Variants in CACNA1D observed in about 807,000 individuals in gnomAD.
The protein encoded by CACNA1D is voltage-dependent L-type calcium channel subunit alpha-1D.
CACNA1D carries 55 observed loss-of-function variants against 257.1 expected under a neutral mutation model. The ratio of observed to expected loss-of-function variants is 0.21; its 90% CI spans 0.17 to 0.27. The LOEUF (loss-of-function observed/expected upper bound fraction) is 0.27, where lower values mean the gene tolerates loss of function less well. Ranked by LOEUF, CACNA1D falls within the 10% of genes least tolerant of loss-of-function variation. The pLI, the probability that CACNA1D is intolerant of heterozygous loss-of-function variation, is 1.00. For synonymous variants in CACNA1D, 980 were observed against 1,014.9 expected, an observed-to-expected ratio of 0.97 and a Z score of 0.65; for missense variants, 1,876 against 2,784.0, an observed-to-expected ratio of 0.67 and a Z score of 7.34.
chr3:53,565,540 G>A (rs917190062), intron 3 of CACNA1D, among the ~76,000 whole-genome samples: 4 of 152,200 alleles, frequency 2.6e-5, no homozygotes, highest in African/African-American at 9.7e-5. Flanking sequence ...GTTAAATGGA[G>A]AGGAGGGAGA....
intron 3 of CACNA1D, among the ~76,000 whole-genome samples, chr3:53,642,281 T>C (rs2093963814): frequency 6.6e-6 from 1 of 152,194 alleles, no homozygotes; most frequent in Admixed American, 6.5e-5. Flanking sequence ...TCTAGGCTTG[T>C]GGTCTCTCAG....
intron 3 of CACNA1D, among the ~76,000 whole-genome samples, chr3:53,539,608 A>C (rs59558922): frequency 6.6e-6 from 1 of 152,320 alleles, no homozygotes; most frequent in East Asian, 1.9e-4. Context: ...GCACATGTGC[A>C]TATGTTTTTG....
At chr3:53,541,744 A>G (rs988261174) in intron 3 of CACNA1D, among the ~76,000 whole-genome samples, 8 of 152,106 alleles carry the variant, frequency 5.3e-5, no homozygotes, top group East Asian at 1.9e-4. Flanking sequence ...AGGAAGGTGG[A>G]GTGTTGACTA....
chr3:53,775,805 AT>A, intron 34 of CACNA1D, 80 bp from the exon 35 acceptor site: 1 of 1,338,408 alleles, frequency 7.5e-7, no homozygotes, highest in Non-Finnish European at 1.1e-6. Context: ...TGCTCTAATT[AT>A]GAGTTTTTCT....
intron 20 of CACNA1D, 55 bp downstream of exon 20, chr3:53,735,558 A>T: frequency 1.3e-6 from 2 of 1,599,448 alleles, no homozygotes; most frequent in Non-Finnish European, 1.7e-6. Flanking sequence ...TCTCGGGCAG[A>T]GGCCACTGTA....
chr3:53,635,165 GTTCT>G lies in CACNA1D; in HGVS notation c.484-15612_484-15609del, dbSNP rs1199039880. Among the ~76,000 whole-genome samples the G allele has an allele frequency of 3.3e-5, 5 of 152,304 alleles. No individual in the cohort carries two copies. The East Asian group carries it at 7.7e-4, about 24-fold the overall frequency. On this transcript the variant is annotated intron_variant, in intron 3 of 47. Coordinates refer to ENST00000350061, the MANE Select transcript of CACNA1D (RefSeq NM_001128840.3). ...TGAGTTACAGGTGTCTGACAGCCCT[GTTCT>G]TAGCTAAGAAGTGTGTGTGCACCTG...
intron 40 of CACNA1D, among the ~76,000 whole-genome samples, chr3:53,787,872 G>A (rs1374510899): frequency 6.6e-6 from 1 of 152,152 alleles, no homozygotes; most frequent in African/African-American, 2.4e-5. Flanking sequence ...GACCTCTGCT[G>A]CCCAGAGTGC....
At chr3:53,579,430 C>A (rs1202802983) in intron 3 of CACNA1D, among the ~76,000 whole-genome samples, 2 of 152,072 alleles carry the variant, frequency 1.3e-5, no homozygotes, top group East Asian at 3.9e-4. Flanking sequence ...TTATAGGGCA[C>A]CCCAGTTAAA....
chr3:53,774,280 CTG>C lies in CACNA1D; in HGVS notation c.4111-301_4111-300del. ...GTAGATGAGCCTGTCTCACGCTTCCCTGTGTGTCTGGACCACCCCAGCATCAT... is the reference window on the plus strand; with the variant it reads ...GTAGATGAGCCTGTCTCACGCTTCCCTGTGTCTGGACCACCCCAGCATCAT... On this transcript the variant is annotated intron_variant, in intron 33 of 47. Coordinates refer to ENST00000350061, the MANE Select transcript of CACNA1D (RefSeq NM_001128840.3). This position sits in a 1 kb window ranked among gnomAD's most constrained non-coding sequence, Gnocchi z 4.3. 1 of 377,836 alleles carries C rather than the reference CTG, an allele frequency of 2.6e-6. No homozygotes were observed. The highest frequency in any genetic ancestry group is 2.5e-5 in the South Asian group (1 of 39,304). The allele number at this position is 377,836 out of a possible 1,614,324, so 23.4% of individuals were successfully genotyped here.
At chr3:53,564,587 C>G (rs1023597136) in intron 3 of CACNA1D, among the ~76,000 whole-genome samples, 3 of 152,066 alleles carry the variant, frequency 2.0e-5, no homozygotes, top group Non-Finnish European at 4.4e-5. Context: ...AACAGAAGTT[C>G]TTAATTTTAA....
At chr3:53,541,792 C>T (rs949195052) in intron 3 of CACNA1D, among the ~76,000 whole-genome samples, 4 of 152,116 alleles carry the variant, frequency 2.6e-5, no homozygotes, top group East Asian at 3.9e-4. Flanking sequence ...ATTACTGTCG[C>T]GTAGGGGAGT....
chr3:53,764,905 T>C (rs1025811375), intron 30 of CACNA1D, among the ~76,000 whole-genome samples: 1 of 152,224 alleles, frequency 6.6e-6, no homozygotes, highest in Admixed American at 6.5e-5. Flanking sequence ...CAGTGACCTT[T>C]TTCCTGGTCA....
intron 40 of CACNA1D, among the ~76,000 whole-genome samples, chr3:53,799,745 C>T (rs2095526681): frequency 6.6e-6 from 1 of 152,146 alleles, no homozygotes. Context: ...TTAGCAGAAC[C>T]AGTGGCCTGA....
intron 25 of CACNA1D, among the ~76,000 whole-genome samples, chr3:53,746,580 G>A (rs2095171233): frequency 6.6e-6 from 1 of 152,110 alleles, no homozygotes; most frequent in African/African-American, 2.4e-5. Flanking sequence ...TTGGTTTGGG[G>A]TTTATTTTAA....
At chr3:53,618,244 G>C (rs898651442) in intron 3 of CACNA1D, among the ~76,000 whole-genome samples, 18 of 152,178 alleles carry the variant, frequency 1.2e-4, no homozygotes, top group Non-Finnish European at 1.6e-4. Flanking sequence ...GGCATGAAGG[G>C]CTGGGCTGAC....
intron 3 of CACNA1D, among the ~76,000 whole-genome samples, chr3:53,585,969 C>T (rs1423222980): frequency 6.6e-6 from 1 of 152,128 alleles, no homozygotes; most frequent in African/African-American, 2.4e-5. Flanking sequence ...GTCCCTGCCT[C>T]CGAGAACTTC....
chr3:53,537,775 T>G (rs1246330528), intron 3 of CACNA1D, among the ~76,000 whole-genome samples: 1 of 152,234 alleles, frequency 6.6e-6, no homozygotes, highest in Admixed American at 6.5e-5. Flanking sequence ...TACTTATTTT[T>G]TAAAGAAATG....
At chr3:53,660,297 G>C in intron 5 of CACNA1D, 22 bp downstream of exon 5, 1 of 1,612,976 alleles carries the variant, frequency 6.2e-7, no homozygotes, top group Non-Finnish European at 8.5e-7. Context: ...TTGTTTCCTA[G>C]AGTCAGGAGT....
At chr3:53,801,555 C>T in intron 42 of CACNA1D, 130 bp downstream of exon 42, 1 of 1,229,980 alleles carries the variant, frequency 8.1e-7, no homozygotes, top group Non-Finnish European at 1.2e-6. Flanking sequence ...GCATTTGTGT[C>T]AGGATCTGTG....
Sources: allele counts gnomAD v4.1 joint callset (sites outside exome capture counted in the v4.1 genomes callset), GRCh38; gene constraint gnomAD v4.1.1; non-coding constraint Gnocchi (gnomAD v3.1); transcripts MANE v1.5; gene names NCBI Gene and HGNC (gene_info 2026-07-23, HGNC 2026-07-21).